The following NF1 variants were observed in gnomAD, a reference collection of about 807,000 sequenced individuals.
NF1 encodes the protein neurofibromin 1.
NF1 carries 122 observed loss-of-function variants against 325.7 expected under a neutral mutation model. That is an observed-to-expected ratio of 0.37 (90% confidence interval 0.32 to 0.44). The LOEUF (loss-of-function observed/expected upper bound fraction) is 0.44. Among genes scored for constraint, NF1 ranks in the 20% least tolerant of loss-of-function variants. The pLI is 1.00. For missense variants in NF1, 2,140 were observed against 3,415.4 expected, an observed-to-expected ratio of 0.63 and a Z score of 9.31; for synonymous variants, 1,091 against 1,186.0, an observed-to-expected ratio of 0.92 and a Z score of 1.65.
intron 1 of NF1, chr17:31,133,221 A>T (rs1232586386): frequency 6.6e-6 from 1 of 152,192 alleles, no homozygotes; most frequent in Non-Finnish European, 1.5e-5. Flanking sequence ...GGATACCTCA[A>T]ATAAGTGGCG....
At chr17:31,125,580 AGGCTGGAGTGTAAT>A (rs1411807238) in intron 1 of NF1, among the ~76,000 whole-genome samples, 1 of 151,834 alleles carries the variant, frequency 6.6e-6, no homozygotes, top group East Asian at 1.9e-4. Flanking sequence ...CTTCTCCCCC[AGGCTGGAGTGTAAT>A]GGCACGATCT....
At chr17:31,114,139 A>C (rs1296209279) in intron 1 of NF1, among the ~76,000 whole-genome samples, 1 of 152,224 alleles carries the variant, frequency 6.6e-6, no homozygotes, top group Non-Finnish European at 1.5e-5. Flanking sequence ...GGAAGAAAAT[A>C]TGTATAGCTG....
At chr17:31,170,315 G>A (rs1310515369) in intron 5 of NF1, among the ~76,000 whole-genome samples, 1 of 152,164 alleles carries the variant, frequency 6.6e-6, no homozygotes, top group Non-Finnish European at 1.5e-5. Flanking sequence ...GTGGCTATAG[G>A]TTATAGAAGC....
At chr17:31,243,181 T>A (rs182981199) in intron 29 of NF1, among the ~76,000 whole-genome samples, 1 of 143,912 alleles carries the variant, frequency 6.9e-6, no homozygotes, top group Non-Finnish European at 1.5e-5. Flanking sequence ...TCTCTCTCTC[T>A]GTCTGTGTGT....
At chr17:31,299,450 G>A (rs548666776) in intron 36 of NF1, 23 of 151,968 alleles carry the variant, frequency 1.5e-4, no homozygotes, top group African/African-American at 5.1e-4. Context: ...ATGATAGTTA[G>A]GCAACTTTTA....
chr17:31,255,521 T>C (rs1386497281), intron 31 of NF1, among the ~76,000 whole-genome samples: 2 of 152,216 alleles, frequency 1.3e-5, no homozygotes, highest in Non-Finnish European at 2.9e-5. Flanking sequence ...ATATTGATTC[T>C]GCCATCAGTG....
chr17:31,281,143 A>C (rs550357319), intron 36 of NF1, among the ~76,000 whole-genome samples: 1 of 152,342 alleles, frequency 6.6e-6, no homozygotes, highest in South Asian at 2.1e-4. Flanking sequence ...ACGATTGCTG[A>C]GCCAAAGCAG....
At chr17:31,318,725 G>T (rs777967819) in intron 36 of NF1, 1 of 1,614,018 alleles carries the variant, frequency 6.2e-7, no homozygotes, top group South Asian at 1.1e-5. Flanking sequence ...ACGACAGAAG[G>T]TATATAAAGC....
intron 3 of NF1, among the ~76,000 whole-genome samples, chr17:31,162,287 G>A (rs2065776459): frequency 6.6e-6 from 1 of 152,164 alleles, no homozygotes; most frequent in South Asian, 2.1e-4. Context: ...GACCAGCCTA[G>A]CCAACATGGC....
chr17:31,136,090 G>A (rs1340482144), intron 1 of NF1, among the ~76,000 whole-genome samples: 1 of 152,052 alleles, frequency 6.6e-6, no homozygotes, highest in Non-Finnish European at 1.5e-5. Context: ...AACACTTTGG[G>A]AGGCCGAGGC....
At chr17:31,273,197 A>G (rs1165091561) in intron 36 of NF1, among the ~76,000 whole-genome samples, 1 of 152,202 alleles carries the variant, frequency 6.6e-6, no homozygotes, top group Admixed American at 6.5e-5. Context: ...CTTTATTCCA[A>G]CAATTTAAGG....
intron 5 of NF1, among the ~76,000 whole-genome samples, chr17:31,179,179 A>G (rs948409680): frequency 2.6e-5 from 4 of 152,252 alleles, no homozygotes; most frequent in Admixed American, 1.3e-4. Flanking sequence ...ACCACAGTGC[A>G]ATCAAACTAG....
At chr17:31,182,069 G>A (rs1211121593) in intron 7 of NF1, among the ~76,000 whole-genome samples, 1 of 152,144 alleles carries the variant, frequency 6.6e-6, no homozygotes, top group East Asian at 1.9e-4. Context: ...AGAAGCATGT[G>A]CTCTGAAGCT....
chr17:31,156,996 A>G (rs570421138), intron 2 of NF1, among the ~76,000 whole-genome samples: 27 of 152,208 alleles, frequency 1.8e-4, no homozygotes, highest in African/African-American at 6.5e-4. Context: ...TAAATGAATG[A>G]ATGAATGAAT....
chr17:31,232,465 T>C (rs186862616), intron 25 of NF1, among the ~76,000 whole-genome samples: 65 of 152,284 alleles, frequency 4.3e-4, no homozygotes, highest in Admixed American at 2.5e-3. Context: ...CCAGGTAATA[T>C]TGCATCTATT....
intron 8 of NF1, among the ~76,000 whole-genome samples, chr17:31,196,186 TTTCTC>T (rs934229863): frequency 6.6e-6 from 1 of 152,078 alleles, no homozygotes; most frequent in Non-Finnish European, 1.5e-5. Context: ...TGTTTACTCA[TTTCTC>T]TTTCCTCATT....
At chr17:31,369,933 A>G (rs74999855) in intron 57 of NF1, among the ~76,000 whole-genome samples, 2,908 of 152,312 alleles carry the variant, frequency 0.019, 104 homozygotes, top group African/African-American at 0.066. Context: ...ACTAGATACT[A>G]TGATCATTCT....
At chr17:31,339,611 T>C (rs1474587095) in intron 46 of NF1, among the ~76,000 whole-genome samples, 1 of 152,150 alleles carries the variant, frequency 6.6e-6, no homozygotes, top group African/African-American at 2.4e-5. Context: ...GGTCCCCATC[T>C]TCTAAGTGAA....
At chr17:31,217,762 C>G (rs17884058) in intron 13 of NF1, among the ~76,000 whole-genome samples, 1 of 151,086 alleles carries the variant, frequency 6.6e-6, no homozygotes, top group Non-Finnish European at 1.5e-5. Flanking sequence ...GTCAGGAGTT[C>G]GAGACCAGCC....
Sources: gnomAD v4.1 joint callset for allele counts (sites outside exome capture counted in the v4.1 genomes callset) on GRCh38, gnomAD v4.1.1 for gene constraint, MANE v1.5 for transcripts, NCBI Gene and HGNC (gene_info 2026-07-23, HGNC 2026-07-21) for gene names.